The following ARHGAP26 variants were observed in gnomAD, a reference collection of about 807,000 sequenced individuals.
ARHGAP26 encodes Rho GTPase activating protein 26, also known as rho GTPase-activating protein 26.
In ARHGAP26, 38 loss-of-function variants were observed where a neutral mutation model predicts 104.8. The ratio of observed to expected loss-of-function variants is 0.36; its 90% CI spans 0.28 to 0.48. ARHGAP26 has a LOEUF of 0.48. Ranked by LOEUF, ARHGAP26 falls within the 20% of genes least tolerant of loss-of-function variation. ARHGAP26 has a pLI of 0.99. For synonymous variants in ARHGAP26, 341 were observed against 340.0 expected, an observed-to-expected ratio of 1.00 and a Z score of -0.03; for missense variants, 704 against 947.9, an observed-to-expected ratio of 0.74 and a Z score of 3.38.
Position 143,163,461 on chromosome 5 carries a change from G to T in ARHGAP26, c.1988+16080G>T, listed in dbSNP as rs536777233. ...TGTTTGTTTGTTTGTTTGTTTGTTT[G>T]TTTTTTTAAGATGGAGTCTTGCTCT... On this transcript the variant is annotated intron_variant, in intron 20 of 22. Transcript: ENST00000645722. Among the ~76,000 whole-genome samples the T allele has an allele frequency of 1.6e-4, 24 of 148,736 alleles. No homozygotes were observed. The East Asian group carries it at 2.0e-3, about 12-fold the overall frequency.
chr5:142,823,073 T>A (rs904185979), intron 1 of ARHGAP26, among the ~76,000 whole-genome samples: 1 of 152,238 alleles, frequency 6.6e-6, no homozygotes, highest in South Asian at 2.1e-4. Context: ...AATAACCTTA[T>A]AGGGCAAGGG....
intron 1 of ARHGAP26, among the ~76,000 whole-genome samples, chr5:142,842,553 G>A (rs1363942916): frequency 6.6e-6 from 1 of 152,220 alleles, no homozygotes; most frequent in Non-Finnish European, 1.5e-5. Context: ...GTTCATCCCT[G>A]TGTGTCGGGA....
At chr5:143,218,789 A>T (rs1810741072) in intron 22 of ARHGAP26, among the ~76,000 whole-genome samples, 1 of 152,258 alleles carries the variant, frequency 6.6e-6, no homozygotes, top group African/African-American at 2.4e-5. Flanking sequence ...CCCAACAAGC[A>T]CTTAGCATCT....
At chr5:143,113,301 TA>T (rs1794990886) in intron 17 of ARHGAP26, among the ~76,000 whole-genome samples, 1 of 152,214 alleles carries the variant, frequency 6.6e-6, no homozygotes, top group African/African-American at 2.4e-5. Context: ...TGGACCTAAG[TA>T]ATACTGAGCA....
Position 143,227,219 on chromosome 5 carries a change from GC to G in ARHGAP26, c.*4774del, listed in dbSNP as rs1811743713. On this transcript the variant is annotated 3_prime_UTR_variant, in exon 23 of 23. Transcript: ENST00000645722. The stretch of plus-strand genomic sequence containing the variant: ...TGCCCAAGTACTGAATGTTTTGTGA[GC>G]AACCATGTTCCCCAAGTAGGTAGCC... 1 of 229,674 alleles carries G rather than the reference GC, an allele frequency of 4.4e-6. No homozygotes were observed. The highest frequency in any genetic ancestry group is 1.8e-4 in the South Asian group (1 of 5,500). 14.2% of individuals were successfully genotyped at this position (229,674 alleles called of 1,614,324 possible).
intron 12 of ARHGAP26, among the ~76,000 whole-genome samples, chr5:143,025,793 C>T (rs184168143): frequency 2.6e-5 from 4 of 152,330 alleles, no homozygotes; most frequent in Admixed American, 6.5e-5. Flanking sequence ...ACCCTGGATG[C>T]CTGTCTTTTG....
chr5:143,194,130 A>G (rs1277201866), intron 20 of ARHGAP26: 1 of 152,272 alleles, frequency 6.6e-6, no homozygotes, highest in Non-Finnish European at 1.5e-5. Flanking sequence ...GGGGAATGCA[A>G]AAATTCTAGA....
At chr5:143,019,626 G>A (rs1346050332) in intron 12 of ARHGAP26, among the ~76,000 whole-genome samples, 1 of 152,242 alleles carries the variant, frequency 6.6e-6, no homozygotes, top group Non-Finnish European at 1.5e-5. Context: ...CTGAGGGAAG[G>A]TTAGAAAGCC....
intron 18 of ARHGAP26, among the ~76,000 whole-genome samples, chr5:143,129,669 G>A (rs571074765): frequency 1.3e-5 from 2 of 152,276 alleles, no homozygotes; most frequent in East Asian, 3.9e-4. Context: ...AAGAATAATA[G>A]TACCTCCCTT....
rs570371791 is a variant in ARHGAP26, at chr5:143,110,418, G to C, written c.1539-10570G>C. The stretch of plus-strand genomic sequence containing the variant: ...TGCTGGGTCACCTTGCACTTTCTTC[G>C]TTGGGTAGAAAGTCCCAAAGCAATG... On this transcript the variant is annotated intron_variant, in intron 17 of 22. Transcript: ENST00000645722. Among the ~76,000 whole-genome samples, 18 of 152,284 alleles carry C rather than the reference G, an allele frequency of 1.2e-4. No individual in the cohort carries two copies. The South Asian group carries it at 3.3e-3, about 28-fold the overall frequency.
At chr5:142,997,172 G>A (rs1458669881) in intron 11 of ARHGAP26, among the ~76,000 whole-genome samples, 2 of 151,796 alleles carry the variant, frequency 1.3e-5, no homozygotes, top group African/African-American at 2.4e-5. Context: ...ATACACACAC[G>A]TATATATCCT....
chr5:143,086,748 A>C lies in ARHGAP26; in HGVS notation c.1538+29001A>C, dbSNP rs115140719. The stretch of plus-strand genomic sequence containing the variant: ...GCTTTGGCTATAAATTTTCTTGTCC[A>C]GCCTAAGTCCACATCTTGAGTCTTC... On this transcript the variant is annotated intron_variant, in intron 17 of 22. Transcript: ENST00000645722. Among the ~76,000 whole-genome samples, 580 of 152,302 alleles carry C rather than the reference A, an allele frequency of 3.8e-3. 3 individuals are homozygous for C. The highest frequency in any genetic ancestry group is 0.013 in the African/African-American group (552 of 41,550).
At chr5:142,816,621 G>T (rs1310805461) in intron 1 of ARHGAP26, among the ~76,000 whole-genome samples, 2 of 152,258 alleles carry the variant, frequency 1.3e-5, no homozygotes, top group Non-Finnish European at 2.9e-5. Context: ...GTGAGCAAAG[G>T]CTTGTGAAGT....
chr5:143,140,802 C>G (rs1231075231), intron 19 of ARHGAP26, among the ~76,000 whole-genome samples: 2 of 152,156 alleles, frequency 1.3e-5, no homozygotes, highest in African/African-American at 2.4e-5. Flanking sequence ...ATCATGTTAA[C>G]TAGCTGCTGA....
chr5:142,869,115 C>T (rs34973760), intron 1 of ARHGAP26, among the ~76,000 whole-genome samples: 11,770 of 152,144 alleles, frequency 0.077, 667 homozygotes, highest in East Asian at 0.18. Flanking sequence ...TTTAGGCAGC[C>T]ATGAGGCCAA....
intron 8 of ARHGAP26, among the ~76,000 whole-genome samples, chr5:142,906,770 T>A (rs1225768750): frequency 6.6e-6 from 1 of 152,376 alleles, no homozygotes; most frequent in Non-Finnish European, 1.5e-5. Context: ...CATTTACTGT[T>A]TTGTTTTTTA....
chr5:143,222,907 C>T lies in ARHGAP26; in HGVS notation c.*461C>T, dbSNP rs34091570. The T allele has an allele frequency of 9.7e-3, 2,276 of 233,502 alleles. 37 individuals carry two copies. Among genetic ancestry groups the T allele is most frequent in the African/African-American group, 0.046 (2,086 of 45,446 alleles). The allele number at this position is 233,502 out of a possible 1,614,324, so 14.5% of individuals were successfully genotyped here. On this transcript the variant is annotated 3_prime_UTR_variant, in exon 23 of 23. Coordinates refer to ENST00000645722, the MANE Select transcript of ARHGAP26 (RefSeq NM_001135608.3). The stretch of plus-strand genomic sequence containing the variant: ...TTGTTTACAATAGGCACTCTCTCTA[C>T]CCCACCTCTCAGTACTTGAGACTTA...
chr5:143,025,247 C>T (rs1313266664), intron 12 of ARHGAP26, among the ~76,000 whole-genome samples: 2 of 152,142 alleles, frequency 1.3e-5, no homozygotes, highest in African/African-American at 2.4e-5. Flanking sequence ...GAAGTATGCC[C>T]AGCTTACACA....
intron 22 of ARHGAP26, among the ~76,000 whole-genome samples, chr5:143,215,459 G>A (rs1400740736): frequency 6.6e-6 from 1 of 152,024 alleles, no homozygotes; most frequent in African/African-American, 2.4e-5. Flanking sequence ...ATTTTTTAAC[G>A]GTTTATTAAG....
Sources: allele counts gnomAD v4.1 joint callset (sites outside exome capture counted in the v4.1 genomes callset), GRCh38; gene constraint gnomAD v4.1.1; transcripts MANE v1.5; gene names NCBI Gene and HGNC (gene_info 2026-07-23, HGNC 2026-07-21).